The following CCDC6 variants were observed in gnomAD, a reference collection of about 807,000 sequenced individuals.
CCDC6 encodes the protein coiled-coil domain-containing protein 6.
In CCDC6, 20 loss-of-function variants were observed where a neutral mutation model predicts 56.6. The ratio of observed to expected loss-of-function variants is 0.35; its 90% CI spans 0.25 to 0.51. The LOEUF (loss-of-function observed/expected upper bound fraction) is 0.51. Ranked by LOEUF, CCDC6 falls within the 20% of genes least tolerant of loss-of-function variation. The pLI is 0.95. For synonymous variants in CCDC6, 241 were observed against 234.4 expected, an observed-to-expected ratio of 1.03 and a Z score of -0.26; for missense variants, 367 against 601.1, an observed-to-expected ratio of 0.61 and a Z score of 4.07.
intron 7 of CCDC6, among the ~76,000 whole-genome samples, chr10:59,800,887 T>C (rs529138598): frequency 6.6e-6 from 1 of 152,308 alleles, no homozygotes; most frequent in Admixed American, 6.5e-5. Context: ...GATATGGAAA[T>C]GTATTAACAA....
chr10:59,835,213 G>A, intron 2 of CCDC6, among the ~76,000 whole-genome samples: 1 of 152,040 alleles, frequency 6.6e-6, no homozygotes, highest in East Asian at 1.9e-4. Context: ...TTATGCCTCT[G>A]CCCTGAGGTA....
chr10:59,906,524 G>T lies in CCDC6; in HGVS notation c.-100C>A. 1 of 1,034,338 alleles carries T rather than the reference G, an allele frequency of 9.7e-7. No homozygotes were observed. The highest frequency in any genetic ancestry group is 1.3e-6 in the Non-Finnish European group (1 of 758,810). 64.1% of individuals were successfully genotyped at this position (1,034,338 alleles called of 1,614,324 possible). ...GGGCGCCGGGCGAGCACAGGGGAGC[G>T]CCGAGCTGAGCGCCTGGCACCAGGG... On this transcript the variant is annotated 5_prime_UTR_variant, in exon 1 of 9. Coordinates refer to ENST00000263102, the MANE Select transcript of CCDC6 (RefSeq NM_005436.5).
intron 2 of CCDC6, among the ~76,000 whole-genome samples, chr10:59,840,305 C>A (rs1344726312): frequency 6.6e-6 from 1 of 152,162 alleles, no homozygotes; most frequent in East Asian, 1.9e-4. Context: ...TTTCAATTTT[C>A]TATCTGCAGT....
At position 59,837,165 on chromosome 10, in the gene CCDC6, T is replaced by G. The variant is rs143862392; in HGVS notation, c.454-4512A>C. 1.0e-3 allele frequency among the ~76,000 whole-genome samples: 155 copies of G among 152,338 alleles called. 2 individuals carry two copies. The Middle Eastern group carries it at 0.02, about 20-fold the overall frequency. On this transcript the variant is annotated intron_variant, in intron 2 of 8. Coordinates refer to ENST00000263102, the MANE Select transcript of CCDC6 (RefSeq NM_005436.5). The stretch of plus-strand genomic sequence containing the variant: ...GAACCAGGCCTTTTACATAATAGAT[T>G]CAAGAACTCTGCACCAAATGACTTT...
At chr10:59,889,656 C>G (rs866504018) in intron 1 of CCDC6, among the ~76,000 whole-genome samples, 10 of 152,276 alleles carry the variant, frequency 6.6e-5, no homozygotes, top group African/African-American at 2.2e-4. Context: ...TCCCAGTTTC[C>G]AAAGTACGCC....
intron 7 of CCDC6, among the ~76,000 whole-genome samples, chr10:59,803,913 C>T (rs1414553377): frequency 6.6e-6 from 1 of 152,164 alleles, no homozygotes; most frequent in Non-Finnish European, 1.5e-5. Context: ...ACAGATAGGC[C>T]CTGCCTTGCC....
chr10:59,902,661 A>C (rs1168667779), intron 1 of CCDC6, among the ~76,000 whole-genome samples: 1 of 152,086 alleles, frequency 6.6e-6, no homozygotes, highest in East Asian at 1.9e-4. Context: ...GGCCTCCCCA[A>C]AGTGCTGGGA....
At chr10:59,840,159 A>C (rs2070924103) in intron 2 of CCDC6, among the ~76,000 whole-genome samples, 1 of 152,158 alleles carries the variant, frequency 6.6e-6, no homozygotes, top group South Asian at 2.1e-4. Flanking sequence ...TGGCACAAAG[A>C]ACATTCTTCT....
At chr10:59,891,262 C>T (rs1323130225) in intron 1 of CCDC6, among the ~76,000 whole-genome samples, 1 of 151,952 alleles carries the variant, frequency 6.6e-6, no homozygotes, top group Non-Finnish European at 1.5e-5. Context: ...TCCGTTATTC[C>T]AAGTCAAGCC....
At chr10:59,794,374 G>A in intron 8 of CCDC6, 99 bp downstream of exon 8, 1 of 1,204,536 alleles carries the variant, frequency 8.3e-7, no homozygotes, top group Non-Finnish European at 1.2e-6. Flanking sequence ...GAGGCAGGAA[G>A]AAGGGCAAAT....
intron 2 of CCDC6, 152 bp downstream of exon 2, chr10:59,852,401 C>A: frequency 1.8e-6 from 1 of 564,136 alleles, no homozygotes; most frequent in East Asian, 3.2e-5. Flanking sequence ...ACTATTACAC[C>A]GCTGCCACCC....
chr10:59,820,130 T>A (rs2070738749), intron 3 of CCDC6, among the ~76,000 whole-genome samples: 1 of 152,216 alleles, frequency 6.6e-6, no homozygotes. Context: ...AGACAGATCC[T>A]GACCAAAGAA....
intron 4 of CCDC6, among the ~76,000 whole-genome samples, chr10:59,813,458 T>C (rs533445197): frequency 5.3e-5 from 8 of 152,222 alleles, no homozygotes; most frequent in Non-Finnish European, 1.2e-4. Context: ...ACCTACAAAA[T>C]GCAAACTTCC....
In CCDC6 at chr10:59,841,808, C is replaced by T. The variant is rs951950379; in HGVS notation, c.454-9155G>A. ...TCAGCCTCCCGAGTAGCTGGGACTA[C>T]GGGCGCCTACAACCACGCCCGGCTA... On this transcript the variant is annotated intron_variant, in intron 2 of 8. Coordinates refer to ENST00000263102, the MANE Select transcript of CCDC6 (RefSeq NM_005436.5). Among the ~76,000 whole-genome samples the T allele has an allele frequency of 5.3e-5, 8 of 151,700 alleles. No homozygotes were observed. In the East Asian group the frequency reaches 5.9e-4, roughly 11 times the overall value.
intron 1 of CCDC6, among the ~76,000 whole-genome samples, chr10:59,895,031 G>GT (rs1456691718): frequency 6.6e-6 from 1 of 152,158 alleles, no homozygotes; most frequent in African/African-American, 2.4e-5. Context: ...GCTGTGCATG[G>GT]TATCTTATGC....
intron 3 of CCDC6, among the ~76,000 whole-genome samples, chr10:59,831,593 C>G (rs2132643317): frequency 6.6e-6 from 1 of 152,308 alleles, no homozygotes; most frequent in South Asian, 2.1e-4. Context: ...ATCTAAAATA[C>G]AAACAGCTGG....
intron 1 of CCDC6, among the ~76,000 whole-genome samples, chr10:59,871,308 C>A (rs1218318969): frequency 1.3e-5 from 2 of 152,024 alleles, no homozygotes; most frequent in East Asian, 1.9e-4. Flanking sequence ...GCTAAGAACA[C>A]CGCCTTGTAT....
At chr10:59,795,358 T>C (rs1207362729) in intron 7 of CCDC6, among the ~76,000 whole-genome samples, 2 of 152,090 alleles carry the variant, frequency 1.3e-5, no homozygotes, top group Non-Finnish European at 2.9e-5. Flanking sequence ...CTAATAGATA[T>C]ATGAAAAGAC....
intron 1 of CCDC6, among the ~76,000 whole-genome samples, chr10:59,858,773 T>C (rs1487410668): frequency 6.6e-6 from 1 of 152,202 alleles, no homozygotes; most frequent in African/African-American, 2.4e-5. Flanking sequence ...TACAGAGCAA[T>C]GAAAAATTGC....
Sources: allele counts gnomAD v4.1 joint callset (sites outside exome capture counted in the v4.1 genomes callset), GRCh38; gene constraint gnomAD v4.1.1; transcripts MANE v1.5; gene names NCBI Gene and HGNC (gene_info 2026-07-23, HGNC 2026-07-21).